PAK2: variants seen among roughly 807,000 people sequenced by gnomAD.
PAK2 encodes serine/threonine-protein kinase PAK 2.
A neutral mutation model predicts 65.9 loss-of-function variants in PAK2; 21 were observed. The observed-to-expected ratio is 0.32, with a 90% confidence interval of 0.23 to 0.46. The LOEUF is 0.46. Among genes scored for constraint, PAK2 ranks in the 20% least tolerant of loss-of-function variants. The probability of loss-of-function intolerance (pLI) is 1.00; values close to 1 mark genes in which losing one functional copy is unlikely to be tolerated. For missense variants in PAK2, 324 were observed against 642.6 expected, an observed-to-expected ratio of 0.50 and a Z score of 5.36; for synonymous variants, 204 against 219.7, an observed-to-expected ratio of 0.93 and a Z score of 0.63.
chr3:196,802,365 C>A (rs1039230160), intron 3 of PAK2, among the ~76,000 whole-genome samples: 9 of 152,132 alleles, frequency 5.9e-5, no homozygotes, highest in Non-Finnish European at 1.2e-4. Flanking sequence ...TGTGCCATTG[C>A]ACTCCAGCCT....
At chr3:196,808,986 C>T (rs1040044571) in intron 7 of PAK2, among the ~76,000 whole-genome samples, 2 of 151,654 alleles carry the variant, frequency 1.3e-5, no homozygotes, top group Admixed American at 6.6e-5. Context: ...CCTATAATCT[C>T]GGTACGTTGG....
At chr3:196,810,900 A>G (rs571235423) in intron 8 of PAK2, among the ~76,000 whole-genome samples, 1 of 152,208 alleles carries the variant, frequency 6.6e-6, no homozygotes, top group African/African-American at 2.4e-5. Flanking sequence ...TGTGATAATT[A>G]GAGGGAAGAA....
chr3:196,764,627 AT>A (rs200170580), intron 1 of PAK2, among the ~76,000 whole-genome samples: 76,622 of 147,016 alleles, frequency 0.52, 20,140 homozygotes, highest in Non-Finnish European at 0.56. Flanking sequence ...TCAAAAAAAA[AT>A]AAATAAATAA....
At position 196,806,632 on chromosome 3, in the gene PAK2, T is replaced by A; in HGVS notation, c.522T>A (p.Asp174Glu). 1.2e-6 allele frequency: 2 copies of A among 1,613,626 alleles called. No individual in the cohort carries two copies. The highest frequency in any genetic ancestry group is 8.5e-7 in the Non-Finnish European group (1 of 1,179,576). The change falls in exon 6 of 15, where the codon GAT (aspartate) becomes GAA (glutamate). Residue 174 changes from aspartate (D) to glutamate (E), a missense_variant. By Grantham distance (45) the Asp-to-Glu change is conservative. Transcript: ENST00000327134. The part of the protein sequence containing the change: ...APAVVTEEED[D>E]DEETAPPVIA... ...CAGTAGTGACAGAGGAGGAGGATGA[T>A]GATGAAGAGACTGCTCCTCCCGTTA...
At chr3:196,761,860 C>T (rs1316192945) in intron 1 of PAK2, among the ~76,000 whole-genome samples, 1 of 148,900 alleles carries the variant, frequency 6.7e-6, no homozygotes, top group South Asian at 2.1e-4. Flanking sequence ...CCCTCCCGGA[C>T]GGGGTGGCTG....
chr3:196,746,716 A>G (rs2108706328), intron 1 of PAK2, among the ~76,000 whole-genome samples: 1 of 152,048 alleles, frequency 6.6e-6, no homozygotes, highest in East Asian at 1.9e-4. Flanking sequence ...AGGCTGAGGC[A>G]GGAGAATCGC....
chr3:196,779,056 C>G (rs1246306121), intron 1 of PAK2, among the ~76,000 whole-genome samples: 1 of 152,172 alleles, frequency 6.6e-6, no homozygotes, highest in Non-Finnish European at 1.5e-5. Context: ...ATACACTGTT[C>G]TTTGGAAGTG....
In PAK2 at chr3:196,806,627, G is replaced by A. The variant is rs748608765; in HGVS notation, c.517G>A (p.Asp173Asn). 2.6e-5 allele frequency: 42 copies of A among 1,613,234 alleles called. No homozygotes were observed. The highest frequency in any genetic ancestry group is 3.3e-4 in the Middle Eastern group (2 of 6,056). ...EAPAVVTEEE[D>N]DDEETAPPVI... ...ACCCGCAGTAGTGACAGAGGAGGAG[G>A]ATGATGATGAAGAGACTGCTCCTCC... Residue 173 changes from aspartate (D) to asparagine (N), a missense_variant, in exon 6 of 15, where the codon GAT (aspartate) becomes AAT (asparagine). Asp to Asn is a conservative substitution (Grantham distance 23, BLOSUM62 1). This residue lies in a region of PAK2 where 183 missense variants were observed against 246.2 expected (regional missense o/e 0.74). Transcript: ENST00000327134.
At chr3:196,757,628 C>A (rs1188721118) in intron 1 of PAK2, among the ~76,000 whole-genome samples, 1 of 152,092 alleles carries the variant, frequency 6.6e-6, no homozygotes, top group Non-Finnish European at 1.5e-5. Context: ...CCAGGCGCTT[C>A]CTGTTGCCCA....
intron 2 of PAK2, among the ~76,000 whole-genome samples, chr3:196,790,844 C>G (rs905702064): frequency 6.6e-6 from 1 of 152,182 alleles, no homozygotes; most frequent in African/African-American, 2.4e-5. Flanking sequence ...TCGCCCCCAC[C>G]CTGGAGAGGG....
intron 1 of PAK2, among the ~76,000 whole-genome samples, chr3:196,743,941 C>T (rs935019074): frequency 1.3e-5 from 2 of 151,714 alleles, no homozygotes; most frequent in Non-Finnish European, 2.9e-5. Flanking sequence ...TTTCTGAGAC[C>T]GTAACTAAAA....
chr3:196,761,343 G>GGA (rs1459044647), intron 1 of PAK2, among the ~76,000 whole-genome samples: 1 of 90,426 alleles, frequency 1.1e-5, no homozygotes, highest in Admixed American at 1.4e-4. Context: ...TTGAGATTAG[G>GGA]GATTGGTGAT....
At chr3:196,794,476 G>T (rs534761788) in intron 2 of PAK2, among the ~76,000 whole-genome samples, 1 of 152,204 alleles carries the variant, frequency 6.6e-6, no homozygotes, top group African/African-American at 2.4e-5. Context: ...CCCCCTGTCC[G>T]CCTGGCGCCA....
intron 4 of PAK2, among the ~76,000 whole-genome samples, chr3:196,804,627 C>T (rs2108757914): frequency 6.6e-6 from 1 of 152,118 alleles, no homozygotes; most frequent in South Asian, 2.1e-4. Context: ...GCCGCCACAC[C>T]TGGCTAATTT....
rs143835820 is a variant in PAK2, at chr3:196,825,207, G to A, written c.1351-1989G>A. Among the ~76,000 whole-genome samples the A allele has an allele frequency of 2.3e-3, 347 of 149,406 alleles. 1 individual carries two copies. Among genetic ancestry groups the A allele is most frequent in the African/African-American group, 8.3e-3 (331 of 39,980 alleles). ...CTAAAAATACAAAAATTAGTCAGGC[G>A]TAATGGTGCATGCCTGTACTCCCAG... On this transcript the variant is annotated intron_variant, in intron 13 of 14. Transcript: ENST00000327134.
rs553261908 is a variant in PAK2, at chr3:196,795,546, A to ATT, written c.188-6380_188-6379dup. On this transcript the variant is annotated intron_variant, in intron 2 of 14. Coordinates refer to ENST00000327134, the MANE Select transcript of PAK2 (RefSeq NM_002577.4). ...CTACCAGAAAAAAAATGAAAGACTCATTATATATATAGGACGAAGATAGAG... is the reference window on the plus strand; with the variant it reads ...CTACCAGAAAAAAAATGAAAGACTCATTTTATATATATAGGACGAAGATAGAG... Among the ~76,000 whole-genome samples the ATT allele has an allele frequency of 2.0e-3, 306 of 152,248 alleles. 1 individual carries two copies. The highest frequency in any genetic ancestry group is 7.0e-3 in the African/African-American group (291 of 41,552).
chr3:196,776,354 C>A (rs1168435658), intron 1 of PAK2, among the ~76,000 whole-genome samples: 1 of 152,278 alleles, frequency 6.6e-6, no homozygotes, highest in Middle Eastern at 3.4e-3. Flanking sequence ...AAGTATGAAC[C>A]GTTGTCTTGG....
chr3:196,828,225 C>G, intron 14 of PAK2, 94 bp from the exon 15 acceptor site: 1 of 714,286 alleles, frequency 1.4e-6, no homozygotes, highest in Non-Finnish European at 2.5e-6. Context: ...TTATGATCGA[C>G]AAGTAGTCTT....
chr3:196,794,716 A>T (rs1401485100), intron 2 of PAK2, among the ~76,000 whole-genome samples: 1 of 152,140 alleles, frequency 6.6e-6, no homozygotes, highest in East Asian at 1.9e-4. Flanking sequence ...GCCAAAGGGG[A>T]TGCCAAATAG....
Sources: allele counts gnomAD v4.1 joint callset (sites outside exome capture counted in the v4.1 genomes callset), GRCh38; gene constraint gnomAD v4.1.1; regional missense constraint gnomAD v4.1.1; transcripts MANE v1.5; gene names NCBI Gene and HGNC (gene_info 2026-07-23, HGNC 2026-07-21).